The following GRAMD4 variants were observed in gnomAD, a reference collection of about 807,000 sequenced individuals.
GRAMD4 encodes the protein GRAM domain-containing protein 4.
Under a neutral mutation model 83.9 loss-of-function variants are expected in GRAMD4, and 25 were observed. The ratio of observed to expected loss-of-function variants is 0.30; its 90% CI spans 0.22 to 0.42. GRAMD4 has a LOEUF of 0.42. Among genes scored for constraint, GRAMD4 ranks in the 10% least tolerant of loss-of-function variants. The probability of loss-of-function intolerance (pLI) is 1.00; values close to 1 mark genes in which losing one functional copy is unlikely to be tolerated. For synonymous variants in GRAMD4, 336 were observed against 320.9 expected (o/e 1.05, Z -0.50); for missense variants, 593 against 788.7 (o/e 0.75, Z 2.97).
chr22:46,649,604 G>A (rs2082135479), intron 3 of GRAMD4, among the ~76,000 whole-genome samples: 1 of 152,220 alleles, frequency 6.6e-6, no homozygotes, highest in African/African-American at 2.4e-5. Context: ...AACGGTGGTT[G>A]GCCAGCTATG....
chr22:46,635,753 C>A (rs2081873940), intron 2 of GRAMD4, among the ~76,000 whole-genome samples: 1 of 62,658 alleles, frequency 1.6e-5, no homozygotes, highest in South Asian at 6.0e-4. Flanking sequence ...CTGCCCCCCG[C>A]CCCTGGCCAC....
At chr22:46,667,594 A>T (rs962850612) in intron 10 of GRAMD4, among the ~76,000 whole-genome samples, 2 of 152,200 alleles carry the variant, frequency 1.3e-5, no homozygotes, top group Non-Finnish European at 2.9e-5. Context: ...GGCAGAAGGG[A>T]GGCCTCGGTG....
chr22:46,635,219 TG>T lies in GRAMD4; in HGVS notation c.163-2616del, dbSNP rs2081848365. Among the ~76,000 whole-genome samples, 4 of 136,742 alleles carry T rather than the reference TG, an allele frequency of 2.9e-5. 2 individuals are homozygous for T. 89.7% of individuals were successfully genotyped at this position (136,742 alleles called of 152,430 possible). On this transcript the variant is annotated intron_variant, in intron 2 of 18. Transcript: ENST00000406902. ...CCCCCGCCCCCGGCCACTCCTGTCC[TG>T]GGGGACCGTGTCCTCCCTGCCCCCA... is the stretch of plus-strand genomic sequence containing the variant.
intron 3 of GRAMD4, among the ~76,000 whole-genome samples, chr22:46,648,417 A>G: frequency 1.4e-5 from 2 of 143,128 alleles, no homozygotes; most frequent in Non-Finnish European, 3.0e-5. Flanking sequence ...GGGTAGATGG[A>G]TGGGTGAATG....
Position 46,679,339 on chromosome 22 carries a change from A to C in GRAMD4, c.*2088A>C. On this transcript the variant is annotated 3_prime_UTR_variant, in exon 19 of 19. Coordinates refer to ENST00000406902, the MANE Select transcript of GRAMD4 (RefSeq NM_015124.5). ...GGGAGATGAAAACTGACCACGTGCC[A>C]GGTGTGGCCGAAGCCCCCAGGGAGG... 1.0e-6 allele frequency: 1 copy of C among 984,494 alleles called. No homozygotes were observed. The highest frequency in any genetic ancestry group is 1.2e-6 in the Non-Finnish European group (1 of 829,894). The allele number at this position is 984,494 out of a possible 1,614,324, so 61.0% of individuals were successfully genotyped here.
chr22:46,621,304 C>G lies in GRAMD4; in HGVS notation c.-50+739C>G, dbSNP rs2081571320. 6.6e-6 allele frequency among the ~76,000 whole-genome samples: 1 copy of G among 152,162 alleles called. No homozygotes were observed. ...TGTGCTGGGTAATAGTGTCCTCCCC[C>G]AAAATTCATGTCCACCTCGTACCTG... On this transcript the variant is annotated intron_variant, in intron 1 of 18. Coordinates refer to ENST00000406902, the MANE Select transcript of GRAMD4 (RefSeq NM_015124.5). This position sits in a 1 kb window ranked among gnomAD's most constrained non-coding sequence, Gnocchi z 5.8.
chr22:46,657,822 G>GGTCAGCGTCCTTTCCGCAGGTGTC (rs1569294931), intron 3 of GRAMD4, among the ~76,000 whole-genome samples: 1 of 152,218 alleles, frequency 6.6e-6, no homozygotes, highest in East Asian at 1.9e-4. Flanking sequence ...GGCCAGGTGT[G>GGTCAGCGTCCTTTCCGCAGGTGTC]GTCAGCGTCC....
At chr22:46,646,875 AAG>A (rs2082079652) in intron 3 of GRAMD4, among the ~76,000 whole-genome samples, 1 of 152,196 alleles carries the variant, frequency 6.6e-6, no homozygotes, top group Non-Finnish European at 1.5e-5. Context: ...GGCGGAAGGC[AAG>A]GAGGAGCAAG....
At chr22:46,629,886 A>G (rs895805851) in intron 2 of GRAMD4, among the ~76,000 whole-genome samples, 1 of 152,204 alleles carries the variant, frequency 6.6e-6, no homozygotes, top group Non-Finnish European at 1.5e-5. Context: ...GGCATCTCAT[A>G]TAACATGAGG....
intron 2 of GRAMD4, among the ~76,000 whole-genome samples, chr22:46,627,857 G>A (rs948233526): frequency 6.6e-6 from 1 of 152,238 alleles, no homozygotes; most frequent in African/African-American, 2.4e-5. Flanking sequence ...AGGCAGGTGG[G>A]GCCGCTTGGC....
rs2082602114 is a variant in GRAMD4, at chr22:46,676,615, G to A, written c.1579G>A (p.Val527Ile). The A allele has an allele frequency of 6.5e-7, 1 of 1,549,378 alleles. No homozygotes were observed. ...TGCCTTTCAGTACAAGGTCCTGTCT[G>A]TCCTCCCAGGCTCAGGCATGGGGAT... ...TDIQKYKVLS[V>I]LPGSGMGIAV... is the part of the protein sequence containing the mutation. Residue 527 changes from valine (V) to isoleucine (I), a missense_variant, in exon 18 of 19, where the codon GTC becomes ATC. By Grantham distance (29) the Val-to-Ile change is conservative. This residue lies in a region of GRAMD4 where 74 missense variants were observed against 152.7 expected (regional missense o/e 0.48). Coordinates refer to ENST00000406902, the MANE Select transcript of GRAMD4 (RefSeq NM_015124.5).
intron 5 of GRAMD4, among the ~76,000 whole-genome samples, chr22:46,662,508 G>A (rs1017741330): frequency 6.6e-6 from 1 of 152,246 alleles, no homozygotes; most frequent in African/African-American, 2.4e-5. Flanking sequence ...TCATCAGCAC[G>A]ACAACACCGT....
chr22:46,675,873 G>A (rs1432187814), intron 17 of GRAMD4, among the ~76,000 whole-genome samples: 1 of 152,230 alleles, frequency 6.6e-6, no homozygotes, highest in Admixed American at 6.5e-5. Context: ...AAAAGCACAG[G>A]GGCCCTGAGC....
downstream of GRAMD4, among the ~76,000 whole-genome samples, chr22:46,680,743 C>A (rs1235091326): frequency 1.5e-5 from 2 of 133,196 alleles, no homozygotes; most frequent in East Asian, 2.1e-4. Flanking sequence ...TCCACCCACC[C>A]ATCCATCCAT....
At position 46,582,796 on chromosome 22, in the gene GRAMD4, C is replaced by G. The variant is rs536903377; in HGVS notation, c.-50+5506C>G. Among the ~76,000 whole-genome samples the G allele has an allele frequency of 2.6e-5, 4 of 152,324 alleles. No homozygotes were observed. The South Asian group carries it at 8.3e-4, about 32-fold the overall frequency. On this transcript the variant is annotated intron_variant, in intron 1 of 1. Transcript: ENST00000431155. Reference sequence around the variant, plus strand: ...ACACTCATTGAAAGTGCACAGTTCACGGACTTCTAGTACATTCACCAAGTT... The same window carrying G: ...ACACTCATTGAAAGTGCACAGTTCAGGGACTTCTAGTACATTCACCAAGTT...
rs767035040 is a variant in GRAMD4 at position 46,674,789 on chromosome 22, G to A, written c.1478+39G>A. On this transcript the variant is annotated intron_variant, in intron 16 of 18. Coordinates refer to ENST00000406902, the MANE Select transcript of GRAMD4 (RefSeq NM_015124.5). ...TGGGGCCCTGTGTGGCTGCAGGGGA[G>A]GGGGCGCAGGAGGCTGCCTAGGCCC... 5 of 1,429,166 alleles carry A rather than the reference G, an allele frequency of 3.5e-6. No individual in the cohort carries two copies. In the East Asian group the frequency reaches 9.1e-5, roughly 26 times the overall value. 88.5% of individuals were successfully genotyped at this position (1,429,166 alleles called of 1,614,324 possible).
At chr22:46,648,970 G>A (rs1383595494) in intron 3 of GRAMD4, among the ~76,000 whole-genome samples, 3 of 145,230 alleles carry the variant, frequency 2.1e-5, no homozygotes, top group East Asian at 2.1e-4. Context: ...ATGGATGGAT[G>A]GATGGATGGA....
chr22:46,650,216 A>C (rs1601634372), intron 3 of GRAMD4, among the ~76,000 whole-genome samples: 1 of 152,146 alleles, frequency 6.6e-6, no homozygotes, highest in African/African-American at 2.4e-5. Context: ...GTCGTGTGCC[A>C]AGAGGACTCC....
At chr22:46,576,743 G>A (rs1334944337), upstream of GRAMD4, among the ~76,000 whole-genome samples, 1 of 151,468 alleles carries the variant, frequency 6.6e-6, no homozygotes, top group African/African-American at 2.4e-5. Flanking sequence ...TCTCTAGAAA[G>A]GCGGGCGGTC....
Sources: allele counts gnomAD v4.1 joint callset (sites outside exome capture counted in the v4.1 genomes callset), GRCh38; gene constraint gnomAD v4.1.1; regional missense constraint gnomAD v4.1.1; non-coding constraint Gnocchi (gnomAD v3.1); transcripts MANE v1.5; gene names NCBI Gene and HGNC (gene_info 2026-07-23, HGNC 2026-07-21).